TTC3: variants seen among roughly 807,000 people sequenced by gnomAD.
TTC3 encodes E3 ubiquitin-protein ligase TTC3.
Under a neutral mutation model 249.6 loss-of-function variants are expected in TTC3, and 180 were observed. That is an observed-to-expected ratio of 0.72 (90% CI 0.64 to 0.82). TTC3 has a LOEUF of 0.82. Among genes scored for constraint, TTC3 ranks in the 40% least tolerant of loss-of-function variants. TTC3 has a pLI of 0.00. For missense variants in TTC3, 2,061 were observed against 2,398.4 expected (o/e 0.86, Z 2.94); for synonymous variants, 717 against 805.0 (o/e 0.89, Z 1.85).
At chr21:37,105,030 G>A (rs2032088) in intron 10 of TTC3, among the ~76,000 whole-genome samples, 99,868 of 152,038 alleles carry the variant, frequency 0.66, 33,078 homozygotes, top group Admixed American at 0.69. Context: ...AGATTATTAA[G>A]ATGTGACCAG....
exon 38 of TTC3, chr21:37,187,072 T>C (rs2083385995): frequency 6.5e-7 from 1 of 1,548,608 alleles, no homozygotes; most frequent in Admixed American, 2.4e-5. Context: ...AATGAGAAAA[T>C]GAAAATAGAA....
exon 33 of TTC3, chr21:37,165,604 G>A: frequency 6.2e-7 from 1 of 1,613,832 alleles, no homozygotes; most frequent in South Asian, 1.1e-5. Flanking sequence ...GTAACAAGAT[G>A]TTCTCTGCAG....
intron 20 of TTC3, among the ~76,000 whole-genome samples, chr21:37,143,352 C>T (rs1023172946): frequency 1.6e-4 from 24 of 152,098 alleles, no homozygotes; most frequent in African/African-American, 5.1e-4. Flanking sequence ...ACTCATCTGA[C>T]GAAGGGCTAA....
intron 44 of TTC3, among the ~76,000 whole-genome samples, chr21:37,199,788 G>A (rs1045814604): frequency 6.6e-6 from 1 of 152,106 alleles, no homozygotes; most frequent in Non-Finnish European, 1.5e-5. Flanking sequence ...CAGGCTGTTG[G>A]GGCCAGCTTT....
intron 8 of TTC3, 137 bp from the exon 9 acceptor site, chr21:37,095,213 C>G (rs1448222645): frequency 1.7e-6 from 1 of 591,052 alleles, no homozygotes; most frequent in Non-Finnish European, 3.0e-6. Flanking sequence ...GTATTGTAAT[C>G]TCATTTTCTA....
chr21:37,160,141 G>T (rs940873144), intron 29 of TTC3, among the ~76,000 whole-genome samples: 1 of 151,844 alleles, frequency 6.6e-6, no homozygotes, highest in African/African-American at 2.4e-5. Context: ...TTACGTTTAA[G>T]TTAAAACAGT....
chr21:37,130,803 C>CTTTT (rs2077412127), intron 16 of TTC3, among the ~76,000 whole-genome samples: 3 of 108,714 alleles, frequency 2.8e-5, no homozygotes, highest in African/African-American at 1.1e-4. Flanking sequence ...TTTTCTTCTT[C>CTTTT]CTTTGAGAGG....
At chr21:37,075,541 C>T (rs1457908430) in intron 1 of TTC3, among the ~76,000 whole-genome samples, 2 of 152,198 alleles carry the variant, frequency 1.3e-5, no homozygotes, top group African/African-American at 4.8e-5. Flanking sequence ...AGTGAGAACA[C>T]AATTTCCTCA....
chr21:37,109,130 G>A (rs977643646), intron 11 of TTC3, among the ~76,000 whole-genome samples: 5 of 152,174 alleles, frequency 3.3e-5, no homozygotes, highest in Admixed American at 1.3e-4. Flanking sequence ...AGCTCCCAGC[G>A]TGAGCGACAC....
At chr21:37,090,201 A>G in intron 5 of TTC3, 32 bp from the exon 6 acceptor site, 1 of 1,544,626 alleles carries the variant, frequency 6.5e-7, no homozygotes, top group Non-Finnish European at 8.9e-7. Flanking sequence ...TGACTGAATA[A>G]GGAAAAAATA....
At chr21:37,100,000 G>A (rs755398114) in intron 10 of TTC3, among the ~76,000 whole-genome samples, 9 of 152,224 alleles carry the variant, frequency 5.9e-5, no homozygotes, top group Non-Finnish European at 1.3e-4. Context: ...TTTGTACACT[G>A]TGATGCCATT....
intron 33 of TTC3, among the ~76,000 whole-genome samples, chr21:37,167,018 G>C (rs2081309545): frequency 6.6e-6 from 1 of 152,184 alleles, no homozygotes; most frequent in South Asian, 2.1e-4. Flanking sequence ...CCACCTGGAG[G>C]CCTTCCAGCG....
intron 11 of TTC3, among the ~76,000 whole-genome samples, chr21:37,113,366 A>C (rs1337517990): frequency 6.6e-6 from 1 of 152,248 alleles, no homozygotes; most frequent in Non-Finnish European, 1.5e-5. Context: ...TCAATGTGCA[A>C]AAATCACAAG....
chr21:37,130,403 T>A (rs937953897), intron 16 of TTC3, among the ~76,000 whole-genome samples: 16 of 152,192 alleles, frequency 1.1e-4, no homozygotes, highest in South Asian at 4.1e-4. Context: ...TTAAAAAAAA[T>A]TTATTTTTCT....
At chr21:37,113,505 G>C (rs566824977) in intron 11 of TTC3, among the ~76,000 whole-genome samples, 21 of 152,152 alleles carry the variant, frequency 1.4e-4, no homozygotes, top group African/African-American at 5.1e-4. Flanking sequence ...TTCAAGGAGA[G>C]CTACAAACCA....
intron 34 of TTC3, among the ~76,000 whole-genome samples, chr21:37,168,925 T>C (rs2081481331): frequency 6.6e-6 from 1 of 152,208 alleles, no homozygotes; most frequent in Non-Finnish European, 1.5e-5. Context: ...CTCACTCACA[T>C]GGCTGGCAAG....
chr21:37,126,020 T>C, intron 14 of TTC3, 60 bp from the exon 15 acceptor site: 1 of 1,510,172 alleles, frequency 6.6e-7, no homozygotes, highest in Non-Finnish European at 9.0e-7. Context: ...ATATAGCTAT[T>C]GAATTCTTCA....
chr21:37,176,714 T>C (rs1467043872), intron 35 of TTC3, among the ~76,000 whole-genome samples: 2 of 152,224 alleles, frequency 1.3e-5, no homozygotes, highest in Admixed American at 6.5e-5. Context: ...AATAGTGTTA[T>C]ACTGTAGTAC....
chr21:37,185,684 T>G, intron 36 of TTC3, 22 bp from the exon 37 acceptor site: 1 of 1,478,192 alleles, frequency 6.8e-7, no homozygotes, highest in Non-Finnish European at 9.0e-7. Context: ...TTAATTAATA[T>G]TTGGTGATTA....
Sources: gnomAD v4.1 joint callset for allele counts (sites outside exome capture counted in the v4.1 genomes callset) on GRCh38, gnomAD v4.1.1 for gene constraint, MANE v1.5 for transcripts, NCBI Gene and HGNC (gene_info 2026-07-23, HGNC 2026-07-21) for gene names.